The following RARB variants were observed in gnomAD, a reference collection of about 807,000 sequenced individuals.
RARB encodes the protein HBV-activated protein.
RARB carries 17 observed loss-of-function variants against 51.9 expected under a neutral mutation model. The observed-to-expected ratio is 0.33, with a 90% CI of 0.22 to 0.49. The LOEUF (loss-of-function observed/expected upper bound fraction) is 0.49, where lower values mean the gene tolerates loss of function less well. Among genes scored for constraint, RARB ranks in the 20% least tolerant of loss-of-function variants. The pLI is 0.99. For missense variants in RARB, 369 were observed against 550.8 expected, an observed-to-expected ratio of 0.67 and a Z score of 3.30; for synonymous variants, 215 against 195.4, an observed-to-expected ratio of 1.10 and a Z score of -0.84.
chr3:24,897,756 T>TA (rs1703509052), intron 2 of RARB, among the ~76,000 whole-genome samples: 1 of 151,610 alleles, frequency 6.6e-6, no homozygotes, highest in Non-Finnish European at 1.5e-5. Context: ...CTGAGGCTTT[T>TA]TTTTTTTTTC....
chr3:25,081,586 CAT>C (rs1161956011), intron 3 of RARB, among the ~76,000 whole-genome samples: 270 of 19,622 alleles, frequency 0.014, 12 homozygotes, highest in Middle Eastern at 0.056. Context: ...GCTTCATATA[CAT>C]ATATATATAT....
chr3:25,040,679 G>T (rs926707736), intron 2 of RARB, among the ~76,000 whole-genome samples: 6 of 152,026 alleles, frequency 3.9e-5, no homozygotes, highest in Non-Finnish European at 5.9e-5. Flanking sequence ...CTTGAACCTG[G>T]GAGGCGGAGA....
chr3:25,022,020 G>A (rs1181341204), intron 2 of RARB, among the ~76,000 whole-genome samples: 1 of 152,182 alleles, frequency 6.6e-6, no homozygotes, highest in Non-Finnish European at 1.5e-5. Flanking sequence ...GAGGGCAACA[G>A]AGGCACTGAT....
At chr3:25,099,838 C>T (rs1045925553) in intron 3 of RARB, among the ~76,000 whole-genome samples, 3 of 152,050 alleles carry the variant, frequency 2.0e-5, no homozygotes, top group Non-Finnish European at 4.4e-5. Context: ...TCCTGCTTTC[C>T]TTCATTTGTG....
chr3:24,961,601 C>A (rs1023805400), intron 2 of RARB, among the ~76,000 whole-genome samples: 1 of 150,344 alleles, frequency 6.7e-6, no homozygotes, highest in African/African-American at 2.5e-5. Flanking sequence ...ATGAATTCAG[C>A]GAACCTTGCC....
chr3:25,116,949 T>C (rs895102861), intron 3 of RARB, among the ~76,000 whole-genome samples: 3 of 152,200 alleles, frequency 2.0e-5, no homozygotes, highest in African/African-American at 7.2e-5. Context: ...TAAGCAAATA[T>C]AATTTTTTAA....
chr3:25,292,127 A>T (rs536687085), intron 5 of RARB, among the ~76,000 whole-genome samples: 1 of 151,980 alleles, frequency 6.6e-6, no homozygotes, highest in South Asian at 2.1e-4. Context: ...ACCCTGCTTC[A>T]GGGGTTGCTG....
intron 5 of RARB, among the ~76,000 whole-genome samples, chr3:25,250,921 C>G (rs1702701900): frequency 6.6e-6 from 1 of 152,146 alleles, no homozygotes; most frequent in Non-Finnish European, 1.5e-5. Flanking sequence ...TGTTCACTTA[C>G]CCTTTTCCCA....
intron 5 of RARB, among the ~76,000 whole-genome samples, chr3:25,419,246 A>T (rs1178578173): frequency 1.1e-4 from 16 of 152,102 alleles, no homozygotes; most frequent in Admixed American, 1.0e-3. Context: ...TGAGGGTCTG[A>T]TGACCTGCTT....
chr3:25,451,478 G>A lies in RARB; in HGVS notation c.158-9715G>A, dbSNP rs1484286940. The stretch of plus-strand genomic sequence containing the variant: ...AAACCCACACAGTGAGGATTAAATC[G>A]GTTTCAAAGTTATTTTGAGGCTGTT... On this transcript the variant is annotated intron_variant, in intron 1 of 7. Coordinates refer to ENST00000330688, the MANE Select transcript of RARB (RefSeq NM_000965.5). Among the ~76,000 whole-genome samples, 6 of 152,240 alleles carry A rather than the reference G, an allele frequency of 3.9e-5. No individual in the cohort carries two copies. The East Asian group carries it at 5.8e-4, about 15-fold the overall frequency.
chr3:25,153,119 C>A (rs1700317954), intron 4 of RARB, among the ~76,000 whole-genome samples: 1 of 147,546 alleles, frequency 6.8e-6, no homozygotes, highest in South Asian at 2.2e-4. Flanking sequence ...CCAAACCAAC[C>A]AAGTAATAGA....
At chr3:24,962,706 A>G (rs1320075124) in intron 2 of RARB, among the ~76,000 whole-genome samples, 1 of 152,180 alleles carries the variant, frequency 6.6e-6, no homozygotes, top group Non-Finnish European at 1.5e-5. Context: ...GAATCTAACT[A>G]ATGCCTGATG....
At chr3:24,975,161 A>G (rs1214101308) in intron 2 of RARB, among the ~76,000 whole-genome samples, 1 of 152,204 alleles carries the variant, frequency 6.6e-6, no homozygotes, top group Non-Finnish European at 1.5e-5. Flanking sequence ...AATCTGTATC[A>G]TGAATATCGT....
At chr3:24,889,436 A>G (rs1224088388) in intron 2 of RARB, among the ~76,000 whole-genome samples, 2 of 152,152 alleles carry the variant, frequency 1.3e-5, no homozygotes, top group African/African-American at 4.8e-5. Flanking sequence ...TATTACCTTT[A>G]TATTTGTAAA....
chr3:25,168,902 A>G (rs146007743), intron 4 of RARB, among the ~76,000 whole-genome samples: 124 of 152,324 alleles, frequency 8.1e-4, no homozygotes, highest in Middle Eastern at 3.4e-3. Flanking sequence ...GCATAACACA[A>G]TGAAGCAGGG....
intron 2 of RARB, among the ~76,000 whole-genome samples, chr3:25,500,581 G>T (rs1324139435): frequency 1.3e-5 from 2 of 148,882 alleles, no homozygotes; most frequent in Admixed American, 6.8e-5. Context: ...CCAGGTTCAC[G>T]CAATTCTCCT....
At chr3:25,201,531 A>G (rs1253284276) in intron 5 of RARB, among the ~76,000 whole-genome samples, 1 of 152,160 alleles carries the variant, frequency 6.6e-6, no homozygotes, top group Non-Finnish European at 1.5e-5. Flanking sequence ...GAATGCTTCC[A>G]GTTTTTGTCC....
intron 2 of RARB, among the ~76,000 whole-genome samples, chr3:24,865,764 C>T (rs1177794987): frequency 1.3e-5 from 2 of 152,132 alleles, no homozygotes; most frequent in African/African-American, 2.4e-5. Flanking sequence ...TGACACATCA[C>T]TGTGGTCTTA....
At chr3:25,461,474 C>G in intron 2 of RARB, 133 bp downstream of exon 2, 1 of 1,085,430 alleles carries the variant, frequency 9.2e-7, no homozygotes, top group Non-Finnish European at 1.3e-6. Flanking sequence ...CAGTTATATT[C>G]AGTGGTTTTT....
Sources: gnomAD v4.1 joint callset for allele counts (sites outside exome capture counted in the v4.1 genomes callset) on GRCh38, gnomAD v4.1.1 for gene constraint, MANE v1.5 for transcripts, NCBI Gene and HGNC (gene_info 2026-07-23, HGNC 2026-07-21) for gene names.